The following NAV3 variants were observed in gnomAD, a reference collection of about 807,000 sequenced individuals.
NAV3 encodes the protein pore membrane and/or filament interacting like protein 1.
NAV3 carries 87 observed loss-of-function variants against 244.7 expected under a neutral mutation model. That is an observed-to-expected ratio of 0.36 (90% CI 0.30 to 0.42). The LOEUF is 0.42. Among genes scored for constraint, NAV3 ranks in the 20% least tolerant of loss-of-function variants. The probability of loss-of-function intolerance (pLI) is 1.00; values close to 1 mark genes in which losing one functional copy is unlikely to be tolerated. For missense variants in NAV3, 2,663 were observed against 2,893.3 expected (o/e 0.92, Z 1.83); for synonymous variants, 1,126 against 1,042.2 (o/e 1.08, Z -1.55).
At chr12:78,099,100 C>G (rs1045986251) in intron 12 of NAV3, among the ~76,000 whole-genome samples, 1 of 151,280 alleles carries the variant, frequency 6.6e-6, no homozygotes, top group Non-Finnish European at 1.5e-5. Flanking sequence ...TATATTTATC[C>G]TAATACAATA....
intron 2 of NAV3, among the ~76,000 whole-genome samples, chr12:77,789,765 G>A (rs191808476): frequency 5.4e-5 from 8 of 147,168 alleles, no homozygotes; most frequent in African/African-American, 7.5e-5. Context: ...AGCTGAGATC[G>A]TGCCATTGCA....
At chr12:77,899,536 A>G (rs1885013771) in intron 1 of NAV3, among the ~76,000 whole-genome samples, 1 of 152,244 alleles carries the variant, frequency 6.6e-6, no homozygotes, top group South Asian at 2.1e-4. Flanking sequence ...AGGTATGCAC[A>G]TTACATTTTT....
chr12:77,834,331 A>G (rs770110470), intron 1 of NAV3, among the ~76,000 whole-genome samples: 11 of 152,224 alleles, frequency 7.2e-5, no homozygotes, highest in Non-Finnish European at 1.5e-4. Flanking sequence ...AGCATTGTCC[A>G]TGTGAGAAAA....
intron 1 of NAV3, among the ~76,000 whole-genome samples, chr12:77,870,669 C>T (rs1880816372): frequency 1.3e-5 from 2 of 151,786 alleles, no homozygotes; most frequent in South Asian, 4.2e-4. Flanking sequence ...AGGAAGTGAA[C>T]AGAGTGGGAA....
At chr12:77,843,843 A>AG (rs1876144507) in intron 1 of NAV3, among the ~76,000 whole-genome samples, 1 of 152,192 alleles carries the variant, frequency 6.6e-6, no homozygotes, top group Non-Finnish European at 1.5e-5. Flanking sequence ...TAAAAAAAAA[A>AG]AAGATTTAGT....
chr12:77,809,976 C>T (rs1428405781), intron 2 of NAV3, among the ~76,000 whole-genome samples: 1 of 152,076 alleles, frequency 6.6e-6, no homozygotes, highest in African/African-American at 2.4e-5. Flanking sequence ...TGGTTTGTCA[C>T]CTTTGATGTT....
intron 2 of NAV3, among the ~76,000 whole-genome samples, chr12:77,767,834 G>A (rs1238478787): frequency 6.6e-6 from 1 of 152,234 alleles, no homozygotes; most frequent in Non-Finnish European, 1.5e-5. Flanking sequence ...CCCATTGCCT[G>A]CAATGCAGTG....
At chr12:77,895,990 T>C (rs111574224) in intron 1 of NAV3, among the ~76,000 whole-genome samples, 3,147 of 150,454 alleles carry the variant, frequency 0.021, 45 homozygotes, top group African/African-American at 0.038. Context: ...GAGGAACTCT[T>C]TTATGCTATT....
chr12:78,111,224 G>A (rs901929703), intron 12 of NAV3, among the ~76,000 whole-genome samples: 22 of 152,028 alleles, frequency 1.4e-4, no homozygotes, highest in African/African-American at 1.7e-4. Context: ...CACTATATAC[G>A]TGTAAAATTA....
chr12:78,001,124 C>A (rs1008719205), intron 7 of NAV3, among the ~76,000 whole-genome samples: 2 of 152,036 alleles, frequency 1.3e-5, no homozygotes, highest in African/African-American at 4.8e-5. Flanking sequence ...GATGAGTTGA[C>A]CTCTATCACA....
At chr12:78,105,432 G>A (rs112550739) in intron 12 of NAV3, among the ~76,000 whole-genome samples, 45 of 152,060 alleles carry the variant, frequency 3.0e-4, no homozygotes, top group Non-Finnish European at 5.7e-4. Flanking sequence ...TGCTTAGAAT[G>A]GTATCTAGTC....
At chr12:78,157,808 G>A (rs1957368502) in intron 22 of NAV3, among the ~76,000 whole-genome samples, 1 of 151,486 alleles carries the variant, frequency 6.6e-6, no homozygotes, top group Admixed American at 6.6e-5. Flanking sequence ...AGAGAAGAGG[G>A]GGAGGAGAAA....
chr12:78,186,005 A>G (rs1210821324), intron 31 of NAV3, among the ~76,000 whole-genome samples: 1 of 151,830 alleles, frequency 6.6e-6, no homozygotes, highest in Non-Finnish European at 1.5e-5. Flanking sequence ...TTTTGGTTTC[A>G]CTTATTTGTT....
At chr12:77,740,611 G>T (rs1868310139) in intron 2 of NAV3, among the ~76,000 whole-genome samples, 1 of 152,098 alleles carries the variant, frequency 6.6e-6, no homozygotes, top group Admixed American at 6.6e-5. Flanking sequence ...CCTAGTAAAG[G>T]ATGTATTTCA....
intron 3 of NAV3, among the ~76,000 whole-genome samples, chr12:77,964,192 C>A (rs1053931880): frequency 2.0e-5 from 3 of 151,864 alleles, no homozygotes; most frequent in African/African-American, 7.3e-5. Context: ...AAATGGTAGG[C>A]AAAAATTTAT....
At chr12:77,870,351 G>A (rs565552417) in intron 1 of NAV3, among the ~76,000 whole-genome samples, 5 of 137,574 alleles carry the variant, frequency 3.6e-5, no homozygotes, top group Admixed American at 3.1e-4. Flanking sequence ...GTAACAGAGT[G>A]AGACTCCATC....
At chr12:78,071,859 C>G (rs1236910260) in intron 12 of NAV3, among the ~76,000 whole-genome samples, 1 of 152,140 alleles carries the variant, frequency 6.6e-6, no homozygotes, top group Non-Finnish European at 1.5e-5. Flanking sequence ...TTCAATCAAA[C>G]TAGAACTCAG....
chr12:77,779,771 G>A (rs1335733771), intron 2 of NAV3, among the ~76,000 whole-genome samples: 1 of 152,086 alleles, frequency 6.6e-6, no homozygotes, highest in East Asian at 1.9e-4. Context: ...TTCTTTCTCT[G>A]TCAGCCAAAT....
At chr12:77,758,412 T>G in intron 2 of NAV3, among the ~76,000 whole-genome samples, 1 of 152,140 alleles carries the variant, frequency 6.6e-6, no homozygotes, top group East Asian at 1.9e-4. Flanking sequence ...AAATGATAAG[T>G]AAATACATGA....
Sources: allele counts gnomAD v4.1 joint callset (sites outside exome capture counted in the v4.1 genomes callset), GRCh38; gene constraint gnomAD v4.1.1; transcripts MANE v1.5; gene names NCBI Gene and HGNC (gene_info 2026-07-23, HGNC 2026-07-21).